SLC1A1: variants seen among roughly 807,000 people sequenced by gnomAD.
SLC1A1 encodes the protein solute carrier family 1 member 1.
A neutral mutation model predicts 53.3 loss-of-function variants in SLC1A1; 43 were observed. That is an observed-to-expected ratio of 0.81 (90% CI 0.63 to 1.04). The LOEUF (loss-of-function observed/expected upper bound fraction) is 1.04. Among genes scored for constraint, SLC1A1 ranks in the 50% least tolerant of loss-of-function variants. The probability of loss-of-function intolerance (pLI) is 0.00; values close to 1 mark genes in which losing one functional copy is unlikely to be tolerated. For synonymous variants in SLC1A1, 307 were observed against 243.2 expected, an observed-to-expected ratio of 1.26 and a Z score of -2.44; for missense variants, 748 against 664.9, an observed-to-expected ratio of 1.12 and a Z score of -1.37.
At chr9:4,520,610 T>A (rs991111141) in intron 1 of SLC1A1, among the ~76,000 whole-genome samples, 1 of 152,218 alleles carries the variant, frequency 6.6e-6, no homozygotes, top group African/African-American at 2.4e-5. Context: ...TATTCCTTTT[T>A]ATGGCTGAAT....
intron 1 of SLC1A1, among the ~76,000 whole-genome samples, chr9:4,524,022 T>G (rs1237009041): frequency 1.3e-5 from 2 of 152,250 alleles, no homozygotes; most frequent in Non-Finnish European, 2.9e-5. Flanking sequence ...TCATTGTGTA[T>G]ATTAAAGGCC....
chr9:4,580,599 A>ATGTG (rs770759737), intron 10 of SLC1A1, among the ~76,000 whole-genome samples: 1,476 of 50,762 alleles, frequency 0.029, 21 homozygotes, highest in Non-Finnish European at 0.04. Flanking sequence ...AAAAAAATAT[A>ATGTG]TATGTGTGTG....
intron 1 of SLC1A1, among the ~76,000 whole-genome samples, chr9:4,497,697 T>C (rs1021019191): frequency 2.0e-5 from 3 of 152,262 alleles, no homozygotes; most frequent in Non-Finnish European, 4.4e-5. Flanking sequence ...GTTGATCTTT[T>C]CTTTCTCAAA....
At chr9:4,534,495 TC>T (rs1311242816) in intron 1 of SLC1A1, among the ~76,000 whole-genome samples, 1 of 152,026 alleles carries the variant, frequency 6.6e-6, no homozygotes, top group Non-Finnish European at 1.5e-5. Context: ...ACATACACCC[TC>T]CCAAGACTAA....
At chr9:4,499,633 G>T (rs1309185591) in intron 1 of SLC1A1, among the ~76,000 whole-genome samples, 1 of 152,172 alleles carries the variant, frequency 6.6e-6, no homozygotes, top group Non-Finnish European at 1.5e-5. Context: ...TCTTTAAAAT[G>T]ATTTTACATA....
At chr9:4,547,358 A>G (rs1291617789) in intron 2 of SLC1A1, among the ~76,000 whole-genome samples, 1 of 152,216 alleles carries the variant, frequency 6.6e-6, no homozygotes, top group African/African-American at 2.4e-5. Context: ...CCAAACCCCC[A>G]GCAGCCAGTC....
At chr9:4,553,869 A>G (rs1278460012) in intron 2 of SLC1A1, 1 of 152,218 alleles carries the variant, frequency 6.6e-6, no homozygotes, top group Non-Finnish European at 1.5e-5. Flanking sequence ...ATGCATGCAC[A>G]GAAAGATTTT....
chr9:4,568,453 G>T (rs1586821054), intron 6 of SLC1A1, among the ~76,000 whole-genome samples: 1 of 151,738 alleles, frequency 6.6e-6, no homozygotes, highest in Non-Finnish European at 1.5e-5. Flanking sequence ...GGGCATGGTG[G>T]CTCACACTTG....
intron 1 of SLC1A1, among the ~76,000 whole-genome samples, chr9:4,499,408 T>TA (rs1820560536): frequency 6.6e-6 from 1 of 152,208 alleles, no homozygotes; most frequent in African/African-American, 2.4e-5. Context: ...GAGATCCTTC[T>TA]GGCCTCGCCA....
Position 4,535,378 on chromosome 9 carries a change from T to C in SLC1A1, c.92-9189T>C, listed in dbSNP as rs543198113. Among the ~76,000 whole-genome samples, 17 of 152,294 alleles carry C rather than the reference T, an allele frequency of 1.1e-4. No individual in the cohort carries two copies. The East Asian group carries it at 3.3e-3, about 29-fold the overall frequency. ...GCAAAGTCTCAGGATACAAAATCAATGTGCAAAAAATCACAAGCATTCTTA... is the reference window on the plus strand; with the variant it reads ...GCAAAGTCTCAGGATACAAAATCAACGTGCAAAAAATCACAAGCATTCTTA... On this transcript the variant is annotated intron_variant, in intron 1 of 11. Transcript: ENST00000262352.
At chr9:4,584,706 C>CGGAAGAGGG (rs1821428568) in intron 11 of SLC1A1, among the ~76,000 whole-genome samples, 1 of 152,206 alleles carries the variant, frequency 6.6e-6, no homozygotes, top group African/African-American at 2.4e-5. Flanking sequence ...CCCAGGCTCT[C>CGGAAGAGGG]TGGAAATTAA....
At chr9:4,575,891 C>G in intron 8 of SLC1A1, 110 bp from the exon 9 acceptor site, 2 of 1,267,356 alleles carry the variant, frequency 1.6e-6, no homozygotes, top group Non-Finnish European at 2.3e-6. Flanking sequence ...CTTATTGGGC[C>G]ATTATGAAAG....
In SLC1A1 at chr9:4,544,693, C is replaced by T. The variant is rs372714986; in HGVS notation, c.218C>T (p.Ser73Phe). ...CTCATCATTTTGCCATTAATTATAT[C>T]CAGCATGATTACAGGTACCTTGAGA... ...LKLIILPLII[S>F]SMITGVAALD... The change falls in exon 2 of 12, where the codon TCC becomes TTC. Residue 73 changes from serine to phenylalanine, a missense_variant. Physicochemically the swap from Ser to Phe is radical, Grantham distance 155 (BLOSUM62 -2). Transcript: ENST00000262352. 1.1e-4 allele frequency: 182 copies of T among 1,612,928 alleles called. No homozygotes were observed. The highest frequency in any genetic ancestry group is 1.5e-4 in the Non-Finnish European group (178 of 1,179,154).
intron 6 of SLC1A1, among the ~76,000 whole-genome samples, chr9:4,568,935 T>G (rs1427438938): frequency 6.6e-6 from 1 of 152,186 alleles, no homozygotes; most frequent in Admixed American, 6.5e-5. Flanking sequence ...ATTGATTGTT[T>G]GCTGAAAAGG....
chr9:4,495,786 T>A (rs964682034), intron 1 of SLC1A1, among the ~76,000 whole-genome samples: 6 of 151,948 alleles, frequency 3.9e-5, no homozygotes, highest in Non-Finnish European at 8.8e-5. Context: ...TGGAACAGAA[T>A]GAAAAGACAG....
chr9:4,532,693 A>C (rs1358622458), intron 1 of SLC1A1, among the ~76,000 whole-genome samples: 1 of 152,194 alleles, frequency 6.6e-6, no homozygotes, highest in African/African-American at 2.4e-5. Flanking sequence ...CCAACATTCA[A>C]ATTCAGGAAA....
intron 1 of SLC1A1, among the ~76,000 whole-genome samples, chr9:4,514,262 G>C (rs1223774226): frequency 1.3e-5 from 2 of 152,116 alleles, no homozygotes; most frequent in African/African-American, 4.8e-5. Context: ...TGCAAGAGAG[G>C]GTCTGTGTTT....
intron 1 of SLC1A1, among the ~76,000 whole-genome samples, chr9:4,509,620 T>C (rs1172605066): frequency 6.6e-6 from 1 of 151,506 alleles, no homozygotes; most frequent in Non-Finnish European, 1.5e-5. Context: ...CTACTGCCTC[T>C]CATTTGCTAA....
intron 1 of SLC1A1, among the ~76,000 whole-genome samples, chr9:4,500,935 C>T (rs765727487): frequency 2.2e-4 from 34 of 152,094 alleles, no homozygotes; most frequent in South Asian, 4.1e-4. Flanking sequence ...ATGTGAGCTC[C>T]GGGCAGCGGT....
Sources: allele counts gnomAD v4.1 joint callset (sites outside exome capture counted in the v4.1 genomes callset), GRCh38; gene constraint gnomAD v4.1.1; transcripts MANE v1.5; gene names NCBI Gene and HGNC (gene_info 2026-07-23, HGNC 2026-07-21).